RHCE: variants seen among roughly 807,000 people sequenced by gnomAD.
RHCE encodes the protein Rh blood group CcEe antigens.
A neutral mutation model predicts 43.8 loss-of-function variants in RHCE; 22 were observed. The observed-to-expected ratio is 0.50, with a 90% confidence interval of 0.36 to 0.72. RHCE has a LOEUF of 0.72. Among genes scored for constraint, RHCE ranks in the 30% least tolerant of loss-of-function variants. The pLI is 0.00. For missense variants in RHCE, 385 were observed against 525.4 expected, an observed-to-expected ratio of 0.73 and a Z score of 2.61; for synonymous variants, 156 against 210.7, an observed-to-expected ratio of 0.74 and a Z score of 2.25.
chr1:25,413,525 G>A (rs1479950299), intron 1 of RHCE, among the ~76,000 whole-genome samples: 1 of 152,238 alleles, frequency 6.6e-6, no homozygotes, highest in East Asian at 1.9e-4. Context: ...CCTGGGCCCA[G>A]AGGGGAATTG....
intron 6 of RHCE, among the ~76,000 whole-genome samples, chr1:25,386,075 G>A (rs1646148564): frequency 6.6e-6 from 1 of 152,166 alleles, no homozygotes; most frequent in Non-Finnish European, 1.5e-5. Flanking sequence ...TTTCTAACAA[G>A]GTCCCAGGTG....
chr1:25,408,914 G>A lies in RHCE; in HGVS notation c.149-45C>T, dbSNP rs1456321540. ...TGAGAAGGAGGAGGGGGAAGCAGACGAGATTTAGGGTGGTATGAAATTAGA... is the reference window on the plus strand; with the variant it reads ...TGAGAAGGAGGAGGGGGAAGCAGACAAGATTTAGGGTGGTATGAAATTAGA... On this transcript the variant is annotated intron_variant, in intron 1 of 9. Coordinates refer to ENST00000294413, the MANE Select transcript of RHCE (RefSeq NM_020485.8). The A allele has an allele frequency of 3.1e-5, 37 of 1,200,800 alleles. 6 individuals are homozygous for A. Among genetic ancestry groups the A allele is most frequent in the Non-Finnish European group, 4.2e-5 (37 of 889,244 alleles). The allele number at this position is 1,200,800 out of a possible 1,614,324, so 74.4% of individuals were successfully genotyped here.
intron 9 of RHCE, among the ~76,000 whole-genome samples, chr1:25,369,641 T>A (rs1557595868): frequency 6.6e-6 from 1 of 151,136 alleles, no homozygotes; most frequent in African/African-American, 2.5e-5. Flanking sequence ...GACCTCAGAC[T>A]CCTGTACTAC....
At position 25,407,008 on chromosome 1, in the gene RHCE, G is replaced by A. The variant is rs141399586; in HGVS notation, c.335+1675C>T. On this transcript the variant is annotated intron_variant, in intron 2 of 9. Coordinates refer to ENST00000294413, the MANE Select transcript of RHCE (RefSeq NM_020485.8). The stretch of plus-strand genomic sequence containing the variant: ...CACGATCATGGCTCACTCAGCCTCA[G>A]CCTCACTGGGTTCAGGTGATCCTCC... Among the ~76,000 whole-genome samples, 33 of 120,020 alleles carry A rather than the reference G, an allele frequency of 2.7e-4. 1 individual carries two copies. The highest frequency in any genetic ancestry group is 8.5e-4 in the African/African-American group (33 of 39,036). 78.7% of individuals were successfully genotyped at this position (120,020 alleles called of 152,430 possible).
Position 25,377,421 on chromosome 1 carries a change from C to T in RHCE, c.1074-1993G>A, listed in dbSNP as rs140998401. Among the ~76,000 whole-genome samples, 1,146 of 152,144 alleles carry T rather than the reference C, an allele frequency of 7.5e-3. 18 individuals are homozygous for T. Among genetic ancestry groups the T allele is most frequent in the African/African-American group, 0.026 (1,099 of 41,502 alleles). On this transcript the variant is annotated intron_variant, in intron 7 of 9. Transcript: ENST00000294413. Reference sequence around the variant, plus strand: ...CCATGTTGGCCAGGATGATCTCGATCTCTTGACCTTGTGATCTGCCAGCCT... The same window carrying T: ...CCATGTTGGCCAGGATGATCTCGATTTCTTGACCTTGTGATCTGCCAGCCT...
chr1:25,390,534 C>A (rs183134507), intron 5 of RHCE, among the ~76,000 whole-genome samples: 1 of 152,210 alleles, frequency 6.6e-6, no homozygotes, highest in Admixed American at 6.5e-5. Context: ...ATCACTCCCC[C>A]CAGAAAGCCT....
At chr1:25,410,309 A>C (rs2124507354) in intron 1 of RHCE, among the ~76,000 whole-genome samples, 1 of 152,308 alleles carries the variant, frequency 6.6e-6, no homozygotes, top group Middle Eastern at 3.4e-3. Context: ...CACATGAATA[A>C]ATGACTGGAG....
rs1176299751 is a variant in RHCE at position 25,389,621 on chromosome 1, G to C, written c.802-508C>G. Among the ~76,000 whole-genome samples, 3 of 152,216 alleles carry C rather than the reference G, an allele frequency of 2.0e-5. No individual in the cohort carries two copies. The East Asian group carries it at 5.8e-4, about 29-fold the overall frequency. On this transcript the variant is annotated intron_variant, in intron 5 of 9. Coordinates refer to ENST00000294413, the MANE Select transcript of RHCE (RefSeq NM_020485.8). ...TACCTTCTTCATAAGGTTATTGTAA[G>C]GATTAAATGAGTTTCCACATATAAA...
chr1:25,412,733 A>AT (rs1647130395), intron 1 of RHCE, among the ~76,000 whole-genome samples: 2 of 150,468 alleles, frequency 1.3e-5, no homozygotes, highest in African/African-American at 4.9e-5. Context: ...AAAAAAAAAA[A>AT]AAAAAAAAAG....
rs1037378632 is a variant in RHCE at position 25,392,220 on chromosome 1, T to C, written c.487-79A>G. 1.4e-5 allele frequency: 22 copies of C among 1,610,118 alleles called. No homozygotes were observed. In the African/African-American group the frequency reaches 1.9e-4, roughly 14 times the overall value. ...AAGCCCTGATGGTCCTTGGAGAAAGTTCAGAGCTTCACTTAGGAGGTGTGA... is the reference window on the plus strand; with the variant it reads ...AAGCCCTGATGGTCCTTGGAGAAAGCTCAGAGCTTCACTTAGGAGGTGTGA... On this transcript the variant is annotated intron_variant, in intron 3 of 9. Coordinates refer to ENST00000294413, the MANE Select transcript of RHCE (RefSeq NM_020485.8).
At chr1:25,385,538 A>G in intron 7 of RHCE, 173 bp downstream of exon 7, 2 of 1,020,826 alleles carry the variant, frequency 2.0e-6, no homozygotes, top group Non-Finnish European at 3.0e-6. Context: ...TGATAAATCC[A>G]TCCAAGGTAG....
upstream of RHCE, among the ~76,000 whole-genome samples, chr1:25,423,182 C>T (rs2042779968): frequency 6.6e-6 from 1 of 152,192 alleles, no homozygotes; most frequent in South Asian, 2.1e-4. Flanking sequence ...ACAATTGCCT[C>T]CTGGTTCTGA....
At chr1:25,389,364 G>A (rs948147477) in intron 5 of RHCE, among the ~76,000 whole-genome samples, 1 of 152,134 alleles carries the variant, frequency 6.6e-6, no homozygotes, top group Non-Finnish European at 1.5e-5. Flanking sequence ...AATGAGCTGG[G>A]AAGTCCAGGT....
At chr1:25,417,075 T>C (rs2982353) in intron 1 of RHCE, among the ~76,000 whole-genome samples, 2 of 151,962 alleles carry the variant, frequency 1.3e-5, no homozygotes, top group African/African-American at 2.4e-5. Context: ...TTTTTTCTGG[T>C]ATGAAAGCAA....
At position 25,402,753 on chromosome 1, in the gene RHCE, G is replaced by A. The variant is rs1404977682; in HGVS notation, c.336-7C>T. Reference sequence around the variant, plus strand: ...CATGGTGGCCAGCCGAATACTGGGGGTGAGAAGGAGAGCCAGGATGACTGA... The same window carrying A: ...CATGGTGGCCAGCCGAATACTGGGGATGAGAAGGAGAGCCAGGATGACTGA... On this transcript the variant is annotated splice_polypyrimidine_tract_variant and splice_region_variant and intron_variant, in intron 2 of 9. Coordinates refer to ENST00000294413, the MANE Select transcript of RHCE (RefSeq NM_020485.8). 2 of 1,614,204 alleles carry A rather than the reference G, an allele frequency of 1.2e-6. No homozygotes were observed. The highest frequency in any genetic ancestry group is 1.7e-6 in the Non-Finnish European group (2 of 1,180,036).
chr1:25,385,658 T>C (rs1156401487), intron 7 of RHCE, 53 bp downstream of exon 7: 29 of 1,613,560 alleles, frequency 1.8e-5, no homozygotes, highest in Admixed American at 1.2e-4. Flanking sequence ...ACACATTTCT[T>C]CCTGAGTTGG....
At chr1:25,369,786 T>C (rs2124298610) in intron 9 of RHCE, among the ~76,000 whole-genome samples, 1 of 138,366 alleles carries the variant, frequency 7.2e-6, no homozygotes, top group South Asian at 2.3e-4. Context: ...TCACCCAGGC[T>C]GGAGTGCAGT....
chr1:25,386,878 C>CAA (rs61295608), intron 6 of RHCE, among the ~76,000 whole-genome samples: 1 of 139,252 alleles, frequency 7.2e-6, no homozygotes, highest in Non-Finnish European at 1.6e-5. Flanking sequence ...CACACACACA[C>CAA]AAATTAGCCA....
rs188584301 is a variant in RHCE at position 25,427,326 on chromosome 1, G to A, written c.-40+1627C>T. On this transcript the variant is annotated intron_variant, in intron 2 of 11. Transcript: ENST00000349320. ...CTTCATCAGAAAGTCCCAGAAGGAG[G>A]GACAAGCCTAAATTCCTCTGTAGGC... Among the ~76,000 whole-genome samples, 9 of 152,284 alleles carry A rather than the reference G, an allele frequency of 5.9e-5. No individual in the cohort carries two copies. The East Asian group carries it at 1.7e-3, about 29-fold the overall frequency.
Sources: gnomAD v4.1 joint callset for allele counts (sites outside exome capture counted in the v4.1 genomes callset) on GRCh38, gnomAD v4.1.1 for gene constraint, MANE v1.5 for transcripts, NCBI Gene and HGNC (gene_info 2026-07-23, HGNC 2026-07-21) for gene names.